SCFD1: variants seen among roughly 807,000 people sequenced by gnomAD.
The protein encoded by SCFD1 is sec1 family domain containing 1, also known as sec1 family domain-containing protein 1.
Under a neutral mutation model 103.2 loss-of-function variants are expected in SCFD1, and 37 were observed. The ratio of observed to expected loss-of-function variants is 0.36; its 90% CI spans 0.28 to 0.47. The LOEUF (loss-of-function observed/expected upper bound fraction) is 0.47. Ranked by LOEUF, SCFD1 falls within the 20% of genes least tolerant of loss-of-function variation. The pLI, the probability that SCFD1 is intolerant of heterozygous loss-of-function variation, is 1.00. For missense variants in SCFD1, 639 were observed against 761.2 expected (o/e 0.84, Z 1.89); for synonymous variants, 264 against 245.0 (o/e 1.08, Z -0.73).
intron 15 of SCFD1, 102 bp from the exon 16 acceptor site, chr14:30,700,086 T>C (rs1317866056): frequency 1.3e-6 from 1 of 781,226 alleles, no homozygotes; most frequent in Non-Finnish European, 2.1e-6. Flanking sequence ...TTTTGTTTTG[T>C]CACATTTATA....
intron 1 of SCFD1, among the ~76,000 whole-genome samples, chr14:30,624,597 C>G (rs1456781925): frequency 6.6e-6 from 1 of 152,194 alleles, no homozygotes; most frequent in African/African-American, 2.4e-5. Context: ...GTCCTGTCCA[C>G]CATGAATTTC....
chr14:30,639,919 G>A (rs1255429974), intron 6 of SCFD1, 55 bp downstream of exon 6: 3 of 1,506,290 alleles, frequency 2.0e-6, no homozygotes, highest in East Asian at 2.4e-5. Context: ...ATGGTATACT[G>A]TAAGAAAAAA....
chr14:30,670,174 G>T, intron 10 of SCFD1, 82 bp from the exon 11 acceptor site: 1 of 1,113,778 alleles, frequency 9.0e-7, no homozygotes, highest in Non-Finnish European at 1.3e-6. Context: ...TTTTGTCCTT[G>T]GAAACATTAG....
intron 7 of SCFD1, chr14:30,643,963 G>T (rs1350339355): frequency 2.2e-6 from 1 of 456,478 alleles, no homozygotes; most frequent in Non-Finnish European, 4.4e-6. Flanking sequence ...TCGTCACCCA[G>T]GCCATGGGCA....
At chr14:30,671,863 G>A (rs1304745476) in intron 11 of SCFD1, among the ~76,000 whole-genome samples, 2 of 151,938 alleles carry the variant, frequency 1.3e-5, no homozygotes, top group Non-Finnish European at 2.9e-5. Flanking sequence ...TGAAACCCAG[G>A]TCTTGCAGAC....
intron 4 of SCFD1, among the ~76,000 whole-genome samples, chr14:30,637,738 A>G (rs545562205): frequency 6.6e-6 from 1 of 152,276 alleles, no homozygotes; most frequent in African/African-American, 2.4e-5. Context: ...TCTGTGTGCA[A>G]TGAAGGATTT....
At chr14:30,633,545 A>G (rs181365069) in intron 3 of SCFD1, among the ~76,000 whole-genome samples, 1 of 152,164 alleles carries the variant, frequency 6.6e-6, no homozygotes, top group East Asian at 1.9e-4. Context: ...TGCGTCCCCT[A>G]GCTTTCTGAT....
intron 20 of SCFD1, among the ~76,000 whole-genome samples, chr14:30,717,017 G>A (rs892297569): frequency 6.6e-6 from 1 of 152,148 alleles, no homozygotes; most frequent in African/African-American, 2.4e-5. Context: ...GGTTCTTCCT[G>A]AAAAGCCTAA....
intron 4 of SCFD1, chr14:30,634,995 T>G (rs758210006): frequency 8.8e-6 from 4 of 455,830 alleles, no homozygotes; most frequent in South Asian, 6.2e-5. Flanking sequence ...CTAGCAAGAT[T>G]CTTTTAGCAA....
chr14:30,656,664 T>C (rs538586234), intron 10 of SCFD1, among the ~76,000 whole-genome samples: 1 of 151,674 alleles, frequency 6.6e-6, no homozygotes, highest in South Asian at 2.1e-4. Flanking sequence ...AGAGGGCAAG[T>C]AAAGAGTCTG....
chr14:30,676,396 T>G (rs916385412), intron 14 of SCFD1: 16 of 152,172 alleles, frequency 1.1e-4, no homozygotes, highest in African/African-American at 3.6e-4. Flanking sequence ...CAAGTTAACT[T>G]CAGGCATTTT....
chr14:30,717,625 T>C (rs10147505), intron 20 of SCFD1, among the ~76,000 whole-genome samples: 74,908 of 151,928 alleles, frequency 0.49, 21,430 homozygotes, highest in African/African-American at 0.79. Flanking sequence ...TTTGCGGTGG[T>C]TCAAGCCTGT....
intron 10 of SCFD1, among the ~76,000 whole-genome samples, chr14:30,666,315 T>A (rs150921012): frequency 0.04 from 6,062 of 150,940 alleles, 152 homozygotes; most frequent in Middle Eastern, 0.099. Flanking sequence ...AATGGGTAAA[T>A]AACGAAGGCA....
chr14:30,625,675 GCATATAGGTATACC>G (rs1594539284), intron 1 of SCFD1, among the ~76,000 whole-genome samples: 1 of 151,946 alleles, frequency 6.6e-6, no homozygotes, highest in African/African-American at 2.4e-5. Flanking sequence ...AGGTATATAG[GCATATAGGTATACC>G]TATATAGGTA....
chr14:30,632,111 A>G (rs1357294377), intron 3 of SCFD1, among the ~76,000 whole-genome samples: 1 of 150,992 alleles, frequency 6.6e-6, no homozygotes, highest in African/African-American at 2.4e-5. Flanking sequence ...ATAGATACTA[A>G]TACTTCTGTA....
rs528103430 is a variant in SCFD1, at chr14:30,719,989, C to T, written c.1736+612C>T. 6.3e-4 allele frequency among the ~76,000 whole-genome samples: 95 copies of T among 151,966 alleles called. 1 individual carries two copies. The highest frequency in any genetic ancestry group is 2.3e-3 in the African/African-American group (94 of 41,428). ...GGGGGTGGGGGGCGGGAATAACTGC[C>T]TTGGACTGATTTGTCTGTAGCACTG... On this transcript the variant is annotated intron_variant, in intron 21 of 24. Coordinates refer to ENST00000458591, the MANE Select transcript of SCFD1 (RefSeq NM_016106.4).
intron 20 of SCFD1, 24 bp from the exon 21 acceptor site, chr14:30,719,301 G>A (rs760528408): frequency 1.3e-6 from 2 of 1,511,936 alleles, no homozygotes; most frequent in African/African-American, 1.4e-5. Flanking sequence ...CACAGTCATG[G>A]TAAAGTTCTA....
chr14:30,675,234 G>T, intron 14 of SCFD1, 169 bp downstream of exon 14: 1 of 416,856 alleles, frequency 2.4e-6, no homozygotes, highest in Non-Finnish European at 4.4e-6. Flanking sequence ...AAGTAACCTA[G>T]GAATCCAGAA....
chr14:30,643,106 G>A lies in SCFD1; in HGVS notation c.524-210G>A, dbSNP rs1885449379. Among the ~76,000 whole-genome samples, 3 of 152,122 alleles carry A rather than the reference G, an allele frequency of 2.0e-5. No homozygotes were observed. The South Asian group carries it at 6.2e-4, about 32-fold the overall frequency. On this transcript the variant is annotated intron_variant, in intron 6 of 24. Transcript: ENST00000458591. Reference sequence around the variant, plus strand: ...GAGGATCACTTGAGCCCAGGAGGTTGAGGCTGCAGTAAGCCGTGATCATGT... The same window carrying A: ...GAGGATCACTTGAGCCCAGGAGGTTAAGGCTGCAGTAAGCCGTGATCATGT...
Sources: allele counts gnomAD v4.1 joint callset (sites outside exome capture counted in the v4.1 genomes callset), GRCh38; gene constraint gnomAD v4.1.1; transcripts MANE v1.5; gene names NCBI Gene and HGNC (gene_info 2026-07-23, HGNC 2026-07-21).